ZBTB20: variants seen among roughly 807,000 people sequenced by gnomAD.
ZBTB20 encodes the protein zinc finger and BTB domain-containing protein 20.
Under a neutral mutation model 56.9 loss-of-function variants are expected in ZBTB20, and 9 were observed. That is an observed-to-expected ratio of 0.16 (90% CI 0.10 to 0.28). ZBTB20 has a LOEUF of 0.28. Ranked by LOEUF, ZBTB20 falls within the 10% of genes least tolerant of loss-of-function variation. The pLI is 1.00. For synonymous variants in ZBTB20, 417 were observed against 420.7 expected (o/e 0.99, Z 0.11); for missense variants, 655 against 1,003.0 (o/e 0.65, Z 4.69).
intron 5 of ZBTB20, among the ~76,000 whole-genome samples, chr3:114,789,789 T>C (rs1170762902): frequency 6.6e-6 from 1 of 152,072 alleles, no homozygotes; most frequent in African/African-American, 2.4e-5. Context: ...GTCATGAAAA[T>C]GGTCTGCGGA....
chr3:114,843,944 C>T (rs2107342806), intron 4 of ZBTB20, among the ~76,000 whole-genome samples: 1 of 152,120 alleles, frequency 6.6e-6, no homozygotes, highest in African/African-American at 2.4e-5. Flanking sequence ...CCCTTGGCCT[C>T]CCAAAGTGCT....
intron 5 of ZBTB20, among the ~76,000 whole-genome samples, chr3:114,724,533 C>T (rs552860007): frequency 2.0e-5 from 3 of 152,198 alleles, no homozygotes; most frequent in Non-Finnish European, 4.4e-5. Context: ...TAGGGTCAAA[C>T]TGAATTCAAC....
chr3:114,627,872 C>G (rs2058732111), intron 6 of ZBTB20, among the ~76,000 whole-genome samples: 1 of 152,054 alleles, frequency 6.6e-6, no homozygotes, highest in Non-Finnish European at 1.5e-5. Flanking sequence ...TTCTATGTTC[C>G]AGGCTGAGTT....
At chr3:114,377,437 G>A (rs1434273697) in intron 10 of ZBTB20, among the ~76,000 whole-genome samples, 1 of 152,174 alleles carries the variant, frequency 6.6e-6, no homozygotes, top group African/African-American at 2.4e-5. Context: ...AGGCTCAGGA[G>A]GTTAAACAGC....
intron 7 of ZBTB20, among the ~76,000 whole-genome samples, chr3:114,427,666 G>T (rs1325498955): frequency 6.6e-6 from 1 of 152,226 alleles, no homozygotes; most frequent in Non-Finnish European, 1.5e-5. Flanking sequence ...ACTGTAAATA[G>T]TCTCCAAAAA....
chr3:114,808,965 T>A (rs1430592884), intron 4 of ZBTB20, among the ~76,000 whole-genome samples: 1 of 152,150 alleles, frequency 6.6e-6, no homozygotes, highest in Non-Finnish European at 1.5e-5. Context: ...AATTCCTAAA[T>A]GACATTTTCC....
chr3:114,451,861 G>A (rs185906334), intron 7 of ZBTB20, among the ~76,000 whole-genome samples: 127 of 151,890 alleles, frequency 8.4e-4, no homozygotes, highest in African/African-American at 2.3e-3. Context: ...GACTGTGAAT[G>A]TGTCACTCTC....
chr3:114,646,328 C>G (rs753680968), intron 6 of ZBTB20, among the ~76,000 whole-genome samples: 2 of 151,714 alleles, frequency 1.3e-5, no homozygotes, highest in African/African-American at 4.8e-5. Flanking sequence ...TTACAGAGAA[C>G]GAAAGATACA....
chr3:115,020,176 C>T (rs1244894628), intron 2 of ZBTB20, among the ~76,000 whole-genome samples: 1 of 151,038 alleles, frequency 6.6e-6, no homozygotes, highest in Non-Finnish European at 1.5e-5. Context: ...CTTGAGCCAC[C>T]AGAAGTACCC....
At chr3:114,538,451 T>G (rs2684290) in intron 6 of ZBTB20, among the ~76,000 whole-genome samples, 95,457 of 151,884 alleles carry the variant, frequency 0.63, 30,332 homozygotes, top group East Asian at 0.8. Flanking sequence ...TCCTCCCTTT[T>G]CACCACCAGC....
At chr3:114,506,208 A>G (rs932324690) in intron 6 of ZBTB20, among the ~76,000 whole-genome samples, 1 of 152,160 alleles carries the variant, frequency 6.6e-6, no homozygotes, top group African/African-American at 2.4e-5. Context: ...TGATACTGAG[A>G]TCTTTTTTTC....
intron 2 of ZBTB20, among the ~76,000 whole-genome samples, chr3:114,987,335 G>A (rs1463380885): frequency 1.3e-5 from 2 of 152,000 alleles, no homozygotes; most frequent in African/African-American, 4.8e-5. Flanking sequence ...ACCTTCCCAG[G>A]TACAATGAAT....
At chr3:114,771,584 C>A (rs1180056933) in intron 5 of ZBTB20, among the ~76,000 whole-genome samples, 1 of 152,156 alleles carries the variant, frequency 6.6e-6, no homozygotes, top group South Asian at 2.1e-4. Flanking sequence ...GAGCTCATTT[C>A]TTCCTTAAGG....
chr3:115,071,759 G>A lies in ZBTB20; in HGVS notation c.-702-345C>T, dbSNP rs967912082. ...CATGACATGAAGGGACGGACCCTGA[G>A]AGCCTGTCTCTCTATGATGACTGTT... On this transcript the variant is annotated intron_variant, in intron 1 of 11. Transcript: ENST00000675478. Among the ~76,000 whole-genome samples, 9 of 152,174 alleles carry A rather than the reference G, an allele frequency of 5.9e-5. No homozygotes were observed. The East Asian group carries it at 1.7e-3, about 29-fold the overall frequency.
chr3:114,490,875 A>G (rs2042675010), intron 7 of ZBTB20, among the ~76,000 whole-genome samples: 2 of 152,210 alleles, frequency 1.3e-5, no homozygotes, highest in South Asian at 4.1e-4. Flanking sequence ...CAAACTGGGT[A>G]TTGTGAGGAC....
chr3:114,545,296 GA>G (rs1559939700), intron 6 of ZBTB20, among the ~76,000 whole-genome samples: 1 of 152,192 alleles, frequency 6.6e-6, no homozygotes, highest in African/African-American at 2.4e-5. Flanking sequence ...TCTTCAGGGT[GA>G]TCTGGAAATT....
intron 1 of ZBTB20, among the ~76,000 whole-genome samples, chr3:115,085,444 C>A (rs1195077226): frequency 6.6e-6 from 1 of 151,928 alleles, no homozygotes; most frequent in Non-Finnish European, 1.5e-5. Context: ...ACCAGGGAAC[C>A]TAACTCTCAC....
At chr3:114,691,913 T>C (rs1052927264) in intron 6 of ZBTB20, among the ~76,000 whole-genome samples, 1 of 152,168 alleles carries the variant, frequency 6.6e-6, no homozygotes, top group Non-Finnish European at 1.5e-5. Flanking sequence ...GGAAAAGATA[T>C]GTTCTCCTTC....
intron 7 of ZBTB20, among the ~76,000 whole-genome samples, chr3:114,444,501 C>A (rs2091141556): frequency 6.6e-6 from 1 of 152,148 alleles, no homozygotes; most frequent in Non-Finnish European, 1.5e-5. Flanking sequence ...AGTGGGATAT[C>A]ACTTACTTTT....
Sources: gnomAD v4.1 joint callset for allele counts (sites outside exome capture counted in the v4.1 genomes callset) on GRCh38, gnomAD v4.1.1 for gene constraint, MANE v1.5 for transcripts, NCBI Gene and HGNC (gene_info 2026-07-23, HGNC 2026-07-21) for gene names.